SLC2A9: variants seen among roughly 807,000 people sequenced by gnomAD.
The protein encoded by SLC2A9 is solute carrier family 2, facilitated glucose transporter member 9.
SLC2A9 carries 39 observed loss-of-function variants against 50.6 expected under a neutral mutation model. The observed-to-expected ratio is 0.77, with a 90% CI of 0.60 to 1.01. The LOEUF (loss-of-function observed/expected upper bound fraction) is 1.01, where lower values mean the gene tolerates loss of function less well. Ranked by LOEUF, SLC2A9 falls within the 50% of genes least tolerant of loss-of-function variation. The pLI, the probability that SLC2A9 is intolerant of heterozygous loss-of-function variation, is 0.00. For missense variants in SLC2A9, 686 were observed against 677.6 expected (o/e 1.01, Z -0.14); for synonymous variants, 324 against 276.9 (o/e 1.17, Z -1.69).
At chr4:9,861,186 C>T (rs1471257929) in intron 10 of SLC2A9, among the ~76,000 whole-genome samples, 1 of 152,088 alleles carries the variant, frequency 6.6e-6, no homozygotes, top group Non-Finnish European at 1.5e-5. Context: ...CTGGCATCTA[C>T]TCAGCTTCTG....
intron 10 of SLC2A9, among the ~76,000 whole-genome samples, chr4:9,884,320 G>C (rs1735774811): frequency 6.6e-6 from 1 of 152,142 alleles, no homozygotes; most frequent in South Asian, 2.1e-4. Context: ...ACCCTGGCTA[G>C]AGTGCAATGC....
intron 8 of SLC2A9, among the ~76,000 whole-genome samples, chr4:9,897,211 T>C (rs1448998390): frequency 1.3e-5 from 2 of 152,186 alleles, no homozygotes; most frequent in South Asian, 2.1e-4. Flanking sequence ...CAAATACACA[T>C]TCACATTTAT....
chr4:9,812,642 T>C (rs1266269564), intron 3 of SLC2A9, among the ~76,000 whole-genome samples: 1 of 152,160 alleles, frequency 6.6e-6, no homozygotes, highest in Non-Finnish European at 1.5e-5. Flanking sequence ...AATGCGTAGG[T>C]AGCTGAGAAG....
At chr4:10,013,025 A>C (rs1442729412) in intron 2 of SLC2A9, among the ~76,000 whole-genome samples, 2 of 152,178 alleles carry the variant, frequency 1.3e-5, no homozygotes, top group African/African-American at 4.8e-5. Context: ...CAGAGAAACC[A>C]GTTAGGGTTT....
chr4:9,945,571 TGGC>T (rs1431611447), intron 5 of SLC2A9, among the ~76,000 whole-genome samples: 1 of 152,192 alleles, frequency 6.6e-6, no homozygotes, highest in African/African-American at 2.4e-5. Context: ...GAGGCATGAC[TGGC>T]CGCCAAATCT....
downstream of SLC2A9, among the ~76,000 whole-genome samples, chr4:9,822,285 G>A (rs1724513922): frequency 6.6e-6 from 1 of 151,890 alleles, no homozygotes; most frequent in Admixed American, 6.6e-5. Context: ...TTCCATTTTG[G>A]ATTTCATATA....
intron 10 of SLC2A9, among the ~76,000 whole-genome samples, chr4:9,846,761 T>G (rs1729061639): frequency 6.6e-6 from 1 of 152,184 alleles, no homozygotes. Flanking sequence ...TGTAATTTCA[T>G]TTTTACATAA....
intron 11 of SLC2A9, among the ~76,000 whole-genome samples, chr4:9,831,802 G>A (rs1726190322): frequency 6.6e-6 from 1 of 152,252 alleles, no homozygotes; most frequent in Admixed American, 6.5e-5. Flanking sequence ...GAACTAGTGT[G>A]AGTGAGCTTC....
intron 6 of SLC2A9, among the ~76,000 whole-genome samples, chr4:9,921,380 G>T (rs734553): frequency 0.68 from 102,680 of 152,000 alleles, 36,136 homozygotes; most frequent in East Asian, 0.98. Context: ...ATTAGATCCC[G>T]GAAAGCACAA....
intron 3 of SLC2A9, among the ~76,000 whole-genome samples, chr4:9,820,975 G>A (rs548381637): frequency 1.3e-5 from 2 of 152,270 alleles, no homozygotes; most frequent in East Asian, 3.9e-4. Flanking sequence ...GTGAATAGAG[G>A]CAGTGATAGA....
chr4:9,867,150 A>C (rs1417101362), intron 10 of SLC2A9, among the ~76,000 whole-genome samples: 1 of 152,260 alleles, frequency 6.6e-6, no homozygotes, highest in African/African-American at 2.4e-5. Flanking sequence ...GACACCTCAC[A>C]GAAGTGAATC....
intron 10 of SLC2A9, chr4:9,879,526 C>G (rs906820439): frequency 2.0e-6 from 2 of 985,302 alleles, no homozygotes; most frequent in South Asian, 9.4e-5. Context: ...CTGTCAAATG[C>G]TGATACGCCC....
At chr4:9,908,394 T>A in intron 7 of SLC2A9, 49 bp from the exon 8 acceptor site, 1 of 1,329,076 alleles carries the variant, frequency 7.5e-7, no homozygotes, top group Non-Finnish European at 1.1e-6. Flanking sequence ...TGGAAGGACT[T>A]AATCTATTTT....
intron 5 of SLC2A9, among the ~76,000 whole-genome samples, chr4:9,947,810 G>A (rs1749471928): frequency 6.6e-6 from 1 of 152,054 alleles, no homozygotes; most frequent in Admixed American, 6.6e-5. Flanking sequence ...TCTCAAGCCT[G>A]CCTCCCCTGC....
At chr4:9,869,589 G>A (rs992670862) in intron 10 of SLC2A9, among the ~76,000 whole-genome samples, 16 of 152,290 alleles carry the variant, frequency 1.1e-4, no homozygotes, top group Admixed American at 9.1e-4. Flanking sequence ...TGACACACCA[G>A]GCAGATGGGA....
intron 4 of SLC2A9, among the ~76,000 whole-genome samples, chr4:9,984,727 T>C (rs996765665): frequency 2.6e-5 from 4 of 152,162 alleles, no homozygotes; most frequent in Non-Finnish European, 5.9e-5. Flanking sequence ...TCTGTCCCCT[T>C]CTCTGCAGCT....
rs367720738 is a variant in SLC2A9 at position 9,809,852 on chromosome 4, C to CTT, written n.421-10613_421-10612dup. Reference sequence around the variant, plus strand: ...AGCCGCCATCAACAAGTTTTCTTTTCTTTTTTTTTTTTTTTAAATTCATGT... The same window carrying CTT: ...AGCCGCCATCAACAAGTTTTCTTTTCTTTTTTTTTTTTTTTTTAAATTCATGT... On this transcript the variant is annotated intron_variant and non_coding_transcript_variant, in intron 3 of 3. Transcript: ENST00000503280. 7.1e-5 allele frequency among the ~76,000 whole-genome samples: 10 copies of CTT among 140,114 alleles called. No homozygotes were observed. In the Admixed American group the frequency reaches 7.2e-4, roughly 10 times the overall value. The allele number at this position is 140,114 out of a possible 152,430, so 91.9% of individuals were successfully genotyped here.
intron 2 of SLC2A9, among the ~76,000 whole-genome samples, chr4:10,008,995 G>C (rs1761305994): frequency 6.6e-6 from 1 of 151,902 alleles, no homozygotes; most frequent in Non-Finnish European, 1.5e-5. Flanking sequence ...AAAGAGCGGG[G>C]GGTGAGGGGA....
chr4:9,825,133 C>T (rs6822889), downstream of SLC2A9, among the ~76,000 whole-genome samples: 83,097 of 152,112 alleles, frequency 0.55, 23,703 homozygotes, highest in Non-Finnish European at 0.63. Flanking sequence ...TTCAAACACA[C>T]TGGTGCTAAT....
Sources: gnomAD v4.1 joint callset for allele counts (sites outside exome capture counted in the v4.1 genomes callset) on GRCh38, gnomAD v4.1.1 for gene constraint, MANE v1.5 for transcripts, NCBI Gene and HGNC (gene_info 2026-07-23, HGNC 2026-07-21) for gene names.